The following DPH6 variants were observed in gnomAD, a reference collection of about 807,000 sequenced individuals.
DPH6 encodes the protein diphthamine biosynthesis 6, also known as diphthine--ammonia ligase.
Under a neutral mutation model 38.2 loss-of-function variants are expected in DPH6, and 33 were observed. That is an observed-to-expected ratio of 0.86 (90% CI 0.65 to 1.15). DPH6 has a LOEUF of 1.15. DPH6 is among the 50% of genes most tolerant of loss of function. The probability of loss-of-function intolerance (pLI) is 0.00; values close to 1 mark genes in which losing one functional copy is unlikely to be tolerated. For missense variants in DPH6, 325 were observed against 320.0 expected, an observed-to-expected ratio of 1.02 and a Z score of -0.12; for synonymous variants, 108 against 103.0, an observed-to-expected ratio of 1.05 and a Z score of -0.30.
At chr15:35,378,115 ACTT>A (rs1009595892) in intron 7 of DPH6, among the ~76,000 whole-genome samples, 5 of 152,322 alleles carry the variant, frequency 3.3e-5, no homozygotes, top group African/African-American at 1.2e-4. Context: ...TCTACAAAGA[ACTT>A]AAACAAAATT....
chr15:35,327,620 C>T (rs2052295254), downstream of DPH6, among the ~76,000 whole-genome samples: 1 of 152,156 alleles, frequency 6.6e-6, no homozygotes, highest in Non-Finnish European at 1.5e-5. Context: ...GCCACCGTGC[C>T]TGGCCTCTAG....
downstream of DPH6, among the ~76,000 whole-genome samples, chr15:35,216,264 A>G (rs940920176): frequency 8.5e-5 from 13 of 152,248 alleles, no homozygotes; most frequent in Non-Finnish European, 1.9e-4. Context: ...CAATATACCA[A>G]TAGTCACTGT....
downstream of DPH6, among the ~76,000 whole-genome samples, chr15:35,370,491 A>T (rs972555513): frequency 2.0e-5 from 3 of 151,790 alleles, no homozygotes; most frequent in Admixed American, 6.6e-5. Context: ...AAAACTCAAT[A>T]ATAAGACAAA....
intron 3 of DPH6, among the ~76,000 whole-genome samples, chr15:35,505,023 T>C (rs1177695561): frequency 6.6e-6 from 1 of 152,100 alleles, no homozygotes; most frequent in South Asian, 2.1e-4. Flanking sequence ...ACCTGAATAG[T>C]TTCCCCAGCT....
At chr15:35,511,682 G>T (rs1369119836) in intron 3 of DPH6, among the ~76,000 whole-genome samples, 1 of 151,504 alleles carries the variant, frequency 6.6e-6, no homozygotes, top group Non-Finnish European at 1.5e-5. Flanking sequence ...TCACTGACAA[G>T]AAACTACCAA....
intron 3 of DPH6, among the ~76,000 whole-genome samples, chr15:35,527,369 T>C (rs1050567308): frequency 2.6e-5 from 4 of 152,012 alleles, no homozygotes; most frequent in East Asian, 1.9e-4. Context: ...TCCAGAGGAG[T>C]AGAGTTTAAC....
Position 35,403,310 on chromosome 15 carries a change from TA to T in DPH6, c.567+7524del, listed in dbSNP as rs571834560. 1.2e-3 allele frequency among the ~76,000 whole-genome samples: 186 copies of T among 152,266 alleles called. 1 individual carries two copies. The highest frequency in any genetic ancestry group is 4.2e-3 in the African/African-American group (174 of 41,562). ...GCTGTTTTGTTTTTAAATTTTGCATTAAAAATTGTTTAATTTTATGGGTACA... is the reference window on the plus strand; with the variant it reads ...GCTGTTTTGTTTTTAAATTTTGCATTAAAATTGTTTAATTTTATGGGTACA... On this transcript the variant is annotated intron_variant, in intron 6 of 8. Coordinates refer to ENST00000256538, the MANE Select transcript of DPH6 (RefSeq NM_080650.4).
intron 3 of DPH6, among the ~76,000 whole-genome samples, chr15:35,484,040 G>A (rs1305961000): frequency 6.6e-6 from 1 of 152,176 alleles, no homozygotes; most frequent in Non-Finnish European, 1.5e-5. Flanking sequence ...GTGAGCAAGA[G>A]TGACTGCAAA....
At position 35,399,579 on chromosome 15, in the gene DPH6, C is replaced by T. The variant is rs79075599; in HGVS notation, c.567+11256G>A. Among the ~76,000 whole-genome samples the T allele has an allele frequency of 3.3e-3, 499 of 152,232 alleles. 1 individual carries two copies. The highest frequency in any genetic ancestry group is 6.8e-3 in the Middle Eastern group (2 of 294). ...TAAAAACATACACACCCAAGATACA[C>T]CTAAGAGTCACAATTCTAGGGGCAA... On this transcript the variant is annotated intron_variant, in intron 6 of 8. Coordinates refer to ENST00000256538, the MANE Select transcript of DPH6 (RefSeq NM_080650.4).
intron 3 of DPH6, among the ~76,000 whole-genome samples, chr15:35,291,833 T>C (rs2051982443): frequency 6.6e-6 from 1 of 152,152 alleles, no homozygotes; most frequent in Admixed American, 6.5e-5. Flanking sequence ...GAGAGATATA[T>C]ATTTTTTTCT....
chr15:35,431,588 A>G (rs112265468), intron 5 of DPH6, among the ~76,000 whole-genome samples: 170 of 152,308 alleles, frequency 1.1e-3, no homozygotes, highest in African/African-American at 4.0e-3. Context: ...AACTAGGTAT[A>G]CTTTCCTGGA....
chr15:35,160,479 G>C, the DPH6 span, among the ~76,000 whole-genome samples: 1 of 151,776 alleles, frequency 6.6e-6, no homozygotes, highest in Non-Finnish European at 1.5e-5. Context: ...GGGTACATTT[G>C]TGGGTTTGTT....
Position 35,243,398 on chromosome 15 carries a change from C to G in DPH6, n.201-22816G>C, listed in dbSNP as rs1406776933. On this transcript the variant is annotated intron_variant and non_coding_transcript_variant, in intron 3 of 3. Transcript: ENST00000560386. ...TATTTTTCTTATTAATATAAGAAGG[C>G]AGGAATGTCAGGCCTCTGAGCCCAA... 2.1e-5 allele frequency among the ~76,000 whole-genome samples: 3 copies of G among 143,068 alleles called. 1 individual carries two copies. The highest frequency in any genetic ancestry group is 1.5e-4 in the Admixed American group (2 of 13,208). The allele number at this position is 143,068 out of a possible 152,430, so 93.9% of individuals were successfully genotyped here.
rs184500619 is a variant in DPH6, at chr15:35,352,213, T to C, written n.208-21136A>G. 6.7e-4 allele frequency among the ~76,000 whole-genome samples: 102 copies of C among 152,320 alleles called. 1 individual carries two copies. Among genetic ancestry groups the C allele is most frequent in the African/African-American group, 2.4e-3 (98 of 41,560 alleles). On this transcript the variant is annotated intron_variant and non_coding_transcript_variant, in intron 3 of 3. Transcript: ENST00000558973. Reference sequence around the variant, plus strand: ...TATATTTTCATATGCATTTGTATTATTGCTTAGCTTTTTTTTTGTTTCAAC... The same window carrying C: ...TATATTTTCATATGCATTTGTATTACTGCTTAGCTTTTTTTTTGTTTCAAC...
intron 8 of DPH6, chr15:35,372,415 C>G: frequency 2.8e-6 from 1 of 356,602 alleles, no homozygotes; most frequent in Non-Finnish European, 5.0e-6. Flanking sequence ...TCGGGTAGAG[C>G]TGAACATAGA....
intron 3 of DPH6, among the ~76,000 whole-genome samples, chr15:35,269,790 CT>C (rs1198000526): frequency 0.011 from 1,245 of 108,530 alleles, 2 homozygotes; most frequent in Middle Eastern, 0.035. Flanking sequence ...GGGTGTGTTT[CT>C]TTTTTTTTTT....
intron 3 of DPH6, among the ~76,000 whole-genome samples, chr15:35,470,341 T>A (rs1221779460): frequency 6.6e-6 from 1 of 151,896 alleles, no homozygotes; most frequent in African/African-American, 2.4e-5. Context: ...TAGTGCCAAG[T>A]ATCACAAAGA....
the DPH6 span, among the ~76,000 whole-genome samples, chr15:35,177,303 G>A: frequency 1.3e-5 from 2 of 151,916 alleles, no homozygotes; most frequent in South Asian, 2.1e-4. Flanking sequence ...GGCCATGCAC[G>A]GTGGCTCCAG....
At chr15:35,196,153 A>T in the DPH6 span, among the ~76,000 whole-genome samples, 1 of 152,216 alleles carries the variant, frequency 6.6e-6, no homozygotes, top group East Asian at 1.9e-4. Flanking sequence ...CAAACATGAA[A>T]TTTAACGTAA....
Sources: allele counts gnomAD v4.1 joint callset (sites outside exome capture counted in the v4.1 genomes callset), GRCh38; gene constraint gnomAD v4.1.1; transcripts MANE v1.5; gene names NCBI Gene and HGNC (gene_info 2026-07-23, HGNC 2026-07-21).